The following SUCLA2 variants were observed in gnomAD, a reference collection of about 807,000 sequenced individuals.
SUCLA2 encodes succinate-CoA ligase ADP-forming subunit beta.
SUCLA2 carries 30 observed loss-of-function variants against 54.8 expected under a neutral mutation model. That is an observed-to-expected ratio of 0.55 (90% CI 0.41 to 0.74). The LOEUF (loss-of-function observed/expected upper bound fraction) is 0.74, where lower values mean the gene tolerates loss of function less well. Ranked by LOEUF, SUCLA2 falls within the 30% of genes least tolerant of loss-of-function variation. The probability of loss-of-function intolerance (pLI) is 0.00; values close to 1 mark genes in which losing one functional copy is unlikely to be tolerated. For synonymous variants in SUCLA2, 172 were observed against 188.9 expected (o/e 0.91, Z 0.74); for missense variants, 476 against 562.9 (o/e 0.85, Z 1.56).
chr13:47,975,295 G>A (rs1950002904), intron 4 of SUCLA2, among the ~76,000 whole-genome samples: 1 of 151,872 alleles, frequency 6.6e-6, no homozygotes, highest in Non-Finnish European at 1.5e-5. Flanking sequence ...CAAGTAGTTG[G>A]GATTACACGC....
chr13:47,953,601 G>C (rs547505910), intron 8 of SUCLA2, among the ~76,000 whole-genome samples: 4 of 152,208 alleles, frequency 2.6e-5, no homozygotes, highest in Admixed American at 2.0e-4. Context: ...TACATTGCCA[G>C]CAGCATCATC....
At chr13:47,993,931 G>T (rs1357136991) in intron 2 of SUCLA2, among the ~76,000 whole-genome samples, 1 of 151,950 alleles carries the variant, frequency 6.6e-6, no homozygotes, top group East Asian at 1.9e-4. Context: ...CTACTCAGGA[G>T]GCTGAGGCAG....
intron 3 of SUCLA2, 28 bp downstream of exon 3, chr13:47,988,854 T>C (rs770655805): frequency 6.2e-7 from 1 of 1,602,810 alleles, no homozygotes; most frequent in South Asian, 1.1e-5. Context: ...TTAACAAGGA[T>C]GATTTTTCCT....
chr13:47,943,764 G>GTATATATATA lies in SUCLA2; in HGVS notation c.1318-320_1318-319insTATATATATA, dbSNP rs1366859649. 1.7e-3 allele frequency among the ~76,000 whole-genome samples: 230 copies of GTATATATATA among 137,978 alleles called. 1 individual carries two copies. Among genetic ancestry groups the GTATATATATA allele is most frequent in the African/African-American group, 6.1e-3 (219 of 36,092 alleles). 90.5% of individuals were successfully genotyped at this position (137,978 alleles called of 152,430 possible). ...TATGTATGTGTGTGTGTGTGTGTGT[G>GTATATATATA]TGTATATATATATATATTATTCTAA... On this transcript the variant is annotated intron_variant, in intron 10 of 10. Transcript: ENST00000646932.
intron 5 of SUCLA2, chr13:47,971,969 G>C: frequency 2.5e-6 from 1 of 398,012 alleles, no homozygotes; most frequent in Non-Finnish European, 4.4e-6. Context: ...ACAATGAAGG[G>C]ACCGGACGCG....
At chr13:48,000,646 T>A (rs1468099348) in intron 1 of SUCLA2, among the ~76,000 whole-genome samples, 2 of 152,230 alleles carry the variant, frequency 1.3e-5, no homozygotes, top group South Asian at 2.1e-4. Context: ...ATCTTATTAC[T>A]GCTATTAACA....
intron 1 of SUCLA2, among the ~76,000 whole-genome samples, chr13:47,998,348 T>G (rs1002064823): frequency 2.6e-5 from 4 of 151,082 alleles, no homozygotes; most frequent in Admixed American, 6.6e-5. Context: ...AAACTACTGT[T>G]TAGTATACCT....
chr13:47,996,186 T>C (rs1021265845), intron 2 of SUCLA2, among the ~76,000 whole-genome samples: 1 of 151,472 alleles, frequency 6.6e-6, no homozygotes, highest in African/African-American at 2.4e-5. Flanking sequence ...TAGCCGGACA[T>C]GGTGGTGGTG....
chr13:47,962,519 T>C (rs1387492815), intron 6 of SUCLA2, among the ~76,000 whole-genome samples: 1 of 152,182 alleles, frequency 6.6e-6, no homozygotes, highest in African/African-American at 2.4e-5. Flanking sequence ...GAAGATTATT[T>C]TGCAGGTAGA....
intron 4 of SUCLA2, 25 bp downstream of exon 4, chr13:47,988,516 A>T: frequency 6.2e-7 from 1 of 1,611,568 alleles, no homozygotes; most frequent in Non-Finnish European, 8.5e-7. Context: ...TTTATCCCGT[A>T]TGTATCATGT....
chr13:47,996,367 G>A (rs1950191449), intron 2 of SUCLA2, among the ~76,000 whole-genome samples: 1 of 150,612 alleles, frequency 6.6e-6, no homozygotes, highest in Non-Finnish European at 1.5e-5. Flanking sequence ...CTGCTCTCAA[G>A]GAGTTTACAT....
At chr13:47,951,680 C>A (rs1949777515) in intron 8 of SUCLA2, among the ~76,000 whole-genome samples, 1 of 152,170 alleles carries the variant, frequency 6.6e-6, no homozygotes, top group Non-Finnish European at 1.5e-5. Context: ...CCTTCTATCC[C>A]ATGCAAGCTC....
intron 4 of SUCLA2, among the ~76,000 whole-genome samples, chr13:47,975,052 C>A (rs1431681291): frequency 2.0e-5 from 3 of 148,812 alleles, no homozygotes; most frequent in Admixed American, 6.7e-5. Flanking sequence ...AACTATTTTC[C>A]AAATAAAATT....
At chr13:47,971,747 C>G (rs1017592258) in intron 5 of SUCLA2, 1 of 395,292 alleles carries the variant, frequency 2.5e-6, no homozygotes, top group Admixed American at 4.4e-5. Flanking sequence ...AGTGTCCCAT[C>G]CATTCTACAC....
chr13:47,984,280 G>A (rs9534896), intron 4 of SUCLA2, among the ~76,000 whole-genome samples: 110,310 of 151,150 alleles, frequency 0.73, 41,174 homozygotes, highest in Non-Finnish European at 0.82. Flanking sequence ...TGCAAGCTCC[G>A]TCTCCTGAGT....
intron 10 of SUCLA2, among the ~76,000 whole-genome samples, chr13:47,943,766 G>GTGTGTGTGTGTATATA (rs1300486540): frequency 1.4e-5 from 2 of 139,660 alleles, no homozygotes; most frequent in African/African-American, 5.4e-5. Context: ...GTGTGTGTGT[G>GTGTGTGTGTGTATATA]TATATATATA....
intron 4 of SUCLA2, among the ~76,000 whole-genome samples, chr13:47,977,033 G>A (rs1422020053): frequency 6.6e-6 from 1 of 150,986 alleles, no homozygotes; most frequent in Non-Finnish European, 1.5e-5. Flanking sequence ...CTGCATATTG[G>A]CTCATTGAAA....
At chr13:47,953,126 A>C (rs1051804860) in intron 8 of SUCLA2, among the ~76,000 whole-genome samples, 1 of 152,174 alleles carries the variant, frequency 6.6e-6, no homozygotes, top group African/African-American at 2.4e-5. Flanking sequence ...GGCCACTTCA[A>C]TGCTATCCAC....
intron 10 of SUCLA2, among the ~76,000 whole-genome samples, chr13:47,944,723 C>G (rs1593474406): frequency 6.6e-6 from 1 of 152,300 alleles, no homozygotes; most frequent in South Asian, 2.1e-4. Flanking sequence ...TTAAATTCTT[C>G]TGTCTCCAAG....
Sources: gnomAD v4.1 joint callset for allele counts (sites outside exome capture counted in the v4.1 genomes callset) on GRCh38, gnomAD v4.1.1 for gene constraint, MANE v1.5 for transcripts, NCBI Gene and HGNC (gene_info 2026-07-23, HGNC 2026-07-21) for gene names.